Variants in PHLDB2 observed in about 807,000 individuals in gnomAD.
PHLDB2 encodes pleckstrin homology like domain family B member 2.
A neutral mutation model predicts 123.6 loss-of-function variants in PHLDB2; 71 were observed. That is an observed-to-expected ratio of 0.57 (90% CI 0.47 to 0.70). The LOEUF (loss-of-function observed/expected upper bound fraction) is 0.70, where lower values mean the gene tolerates loss of function less well. Among genes scored for constraint, PHLDB2 ranks in the 30% least tolerant of loss-of-function variants. The pLI, the probability that PHLDB2 is intolerant of heterozygous loss-of-function variation, is 0.00. For missense variants in PHLDB2, 1,446 were observed against 1,519.5 expected, an observed-to-expected ratio of 0.95 and a Z score of 0.80; for synonymous variants, 547 against 541.6, an observed-to-expected ratio of 1.01 and a Z score of -0.14.
chr3:111,751,097 G>A (rs1286137067), intron 1 of PHLDB2, among the ~76,000 whole-genome samples: 1 of 151,844 alleles, frequency 6.6e-6, no homozygotes, highest in Non-Finnish European at 1.5e-5. Flanking sequence ...AAGCCAACCT[G>A]TGATCTCAGC....
intron 1 of PHLDB2, among the ~76,000 whole-genome samples, chr3:111,813,505 T>A (rs1331800619): frequency 1.3e-5 from 2 of 152,184 alleles, no homozygotes; most frequent in Admixed American, 6.5e-5. Flanking sequence ...TGACAAATTT[T>A]CCCTCCTATC....
chr3:111,892,476 A>G (rs2066563870), intron 2 of PHLDB2, among the ~76,000 whole-genome samples: 1 of 152,202 alleles, frequency 6.6e-6, no homozygotes. Context: ...TTTGATACCC[A>G]TTCTTGACAT....
At chr3:111,946,332 T>C (rs2107617935) in intron 9 of PHLDB2, among the ~76,000 whole-genome samples, 1 of 152,338 alleles carries the variant, frequency 6.6e-6, no homozygotes, top group East Asian at 1.9e-4. Context: ...TATATTTATA[T>C]TCCTTATACT....
intron 1 of PHLDB2, among the ~76,000 whole-genome samples, chr3:111,751,171 GTGTGTGTGT>G (rs2059766716): frequency 5.1e-5 from 4 of 78,512 alleles, no homozygotes; most frequent in Non-Finnish European, 8.7e-5. Flanking sequence ...ACAATGGGGT[GTGTGTGTGT>G]GTGTGTGTGT....
chr3:111,873,994 G>A (rs371232233), intron 1 of PHLDB2, among the ~76,000 whole-genome samples: 66 of 152,302 alleles, frequency 4.3e-4, no homozygotes, highest in African/African-American at 1.6e-3. Context: ...AAAAAACGGT[G>A]TTATAGAAAA....
intron 1 of PHLDB2, among the ~76,000 whole-genome samples, chr3:111,798,713 G>C (rs1467763926): frequency 3.1e-5 from 1 of 31,920 alleles, no homozygotes; most frequent in African/African-American, 6.3e-5. Flanking sequence ...AAAATAAAAT[G>C]TTATTTTATC....
rs370124155 is a variant in PHLDB2, at chr3:111,919,068, G to T, written c.1720-4G>T. ...TAATCCATTTCTGTGTTGATTAATC[G>T]CAGACCCCAGAGGGTATAAGTGAAG... is the stretch of plus-strand genomic sequence containing the variant. On this transcript the variant is annotated splice_polypyrimidine_tract_variant and splice_region_variant and intron_variant, in intron 3 of 17. Coordinates refer to ENST00000431670, the MANE Select transcript of PHLDB2 (RefSeq NM_001134438.2). The T allele has an allele frequency of 1.2e-6, 2 of 1,613,366 alleles. No homozygotes were observed. Among genetic ancestry groups the T allele is most frequent in the Non-Finnish European group, 1.7e-6 (2 of 1,179,328 alleles).
chr3:111,957,931 T>C (rs1168327460), intron 12 of PHLDB2: 1 of 152,244 alleles, frequency 6.6e-6, no homozygotes. Flanking sequence ...TTGATAGATA[T>C]AATCTGTTTT....
At chr3:111,784,286 A>G (rs1287376999) in intron 1 of PHLDB2, among the ~76,000 whole-genome samples, 1 of 152,148 alleles carries the variant, frequency 6.6e-6, no homozygotes, top group Admixed American at 6.6e-5. Context: ...AAACAGAAAA[A>G]ACTGTAAATG....
chr3:111,924,560 C>T (rs1264860272), intron 5 of PHLDB2, among the ~76,000 whole-genome samples: 2 of 152,170 alleles, frequency 1.3e-5, no homozygotes, highest in Admixed American at 6.5e-5. Context: ...TGTAGTCACA[C>T]GGCCCATCAT....
In PHLDB2 at chr3:111,967,702, C is replaced by T. The variant is rs997166351; in HGVS notation, c.3193C>T (p.Arg1065Ter). 7 of 1,608,468 alleles carry T rather than the reference C, an allele frequency of 4.4e-6. No homozygotes were observed. Among genetic ancestry groups the T allele is most frequent in the African/African-American group, 4.0e-5 (3 of 74,088 alleles). ...SREREMEAKK[R>*]ALEEEKRRRE... The stretch of plus-strand genomic sequence containing the variant: ...GGAACGGGAAATGGAAGCCAAAAAA[C>T]GAGCCCTGGAAGAAGAAAAACGACG... The change falls in exon 15 of 18, where the codon CGA becomes TGA. Residue 1065 changes from arginine to a stop codon, truncating the protein, a stop_gained. Transcript: ENST00000431670. LOFTEE classifies it high-confidence loss of function.
intron 6 of PHLDB2, among the ~76,000 whole-genome samples, chr3:111,936,773 T>TATA (rs759113233): frequency 2.2e-4 from 33 of 152,230 alleles, no homozygotes; most frequent in Non-Finnish European, 4.1e-4. Flanking sequence ...GAAGATTACT[T>TATA]ATAAGCCAGA....
At chr3:111,807,328 T>C (rs1243690254) in intron 1 of PHLDB2, among the ~76,000 whole-genome samples, 1 of 152,178 alleles carries the variant, frequency 6.6e-6, no homozygotes, top group Non-Finnish European at 1.5e-5. Flanking sequence ...AGTACAAATG[T>C]TCATCTTGAG....
chr3:111,930,422 A>G (rs1211661054), intron 5 of PHLDB2, among the ~76,000 whole-genome samples: 1 of 149,470 alleles, frequency 6.7e-6, no homozygotes, highest in African/African-American at 2.5e-5. Flanking sequence ...TCTTTTTTAA[A>G]TTACTTTTTA....
chr3:111,974,789 A>G lies in PHLDB2; in HGVS notation c.*226A>G. On this transcript the variant is annotated 3_prime_UTR_variant, in exon 18 of 18. Coordinates refer to ENST00000431670, the MANE Select transcript of PHLDB2 (RefSeq NM_001134438.2). Reference sequence around the variant, plus strand: ...ATAATTGAAGCTTCCATGAGAAAGAAAACACTATTTTGATAAATTGGATCA... The same window carrying G: ...ATAATTGAAGCTTCCATGAGAAAGAGAACACTATTTTGATAAATTGGATCA... 1 of 357,010 alleles carries G rather than the reference A, an allele frequency of 2.8e-6. No homozygotes were observed. Among genetic ancestry groups the G allele is most frequent in the Non-Finnish European group, 4.9e-6 (1 of 203,368 alleles). The allele number at this position is 357,010 out of a possible 1,614,324, so 22.1% of individuals were successfully genotyped here.
chr3:111,894,350 G>A (rs2066693165), intron 2 of PHLDB2, among the ~76,000 whole-genome samples: 2 of 151,886 alleles, frequency 1.3e-5, no homozygotes, highest in African/African-American at 4.8e-5. Flanking sequence ...TTGCTATTGT[G>A]AGTAATGCCG....
chr3:111,811,179 A>G (rs967320707), intron 1 of PHLDB2, among the ~76,000 whole-genome samples: 2 of 152,210 alleles, frequency 1.3e-5, no homozygotes, highest in Non-Finnish European at 2.9e-5. Context: ...CCTCCTATAA[A>G]AATGTACTCC....
At chr3:111,951,960 A>G (rs1372166043) in intron 10 of PHLDB2, among the ~76,000 whole-genome samples, 1 of 152,180 alleles carries the variant, frequency 6.6e-6, no homozygotes, top group Non-Finnish European at 1.5e-5. Flanking sequence ...TAGAAATCTG[A>G]AAAAAATTAA....
At chr3:111,861,331 C>T (rs1189335951) in intron 1 of PHLDB2, among the ~76,000 whole-genome samples, 1 of 152,168 alleles carries the variant, frequency 6.6e-6, no homozygotes, top group African/African-American at 2.4e-5. Context: ...TTTTCTTTGC[C>T]TCTTACATTT....
Sources: allele counts gnomAD v4.1 joint callset (sites outside exome capture counted in the v4.1 genomes callset), GRCh38; gene constraint gnomAD v4.1.1; transcripts MANE v1.5; gene names NCBI Gene and HGNC (gene_info 2026-07-23, HGNC 2026-07-21).